The following DEPDC1B variants were observed in gnomAD, a reference collection of about 807,000 sequenced individuals.
DEPDC1B encodes DEP domain-containing protein 1B.
DEPDC1B carries 51 observed loss-of-function variants against 66.5 expected under a neutral mutation model. That is an observed-to-expected ratio of 0.77 (90% CI 0.61 to 0.97). DEPDC1B has a LOEUF of 0.97. DEPDC1B is among the 50% of genes least tolerant of loss of function. The pLI is 0.00. For missense variants in DEPDC1B, 552 were observed against 637.1 expected (o/e 0.87, Z 1.44); for synonymous variants, 226 against 223.6 (o/e 1.01, Z -0.10).
At chr5:60,663,541 T>C (rs1413259013) in intron 2 of DEPDC1B, among the ~76,000 whole-genome samples, 1 of 152,220 alleles carries the variant, frequency 6.6e-6, no homozygotes, top group East Asian at 1.9e-4. Flanking sequence ...TACCTTTTTC[T>C]GCATCCCCGT....
At chr5:60,675,903 C>CTTTTTTTTTTTTTT (rs35113345) in intron 2 of DEPDC1B, among the ~76,000 whole-genome samples, 2 of 138,966 alleles carry the variant, frequency 1.4e-5, no homozygotes, top group African/African-American at 5.2e-5. Flanking sequence ...TTTCTTTTTT[C>CTTTTTTTTTTTTTT]TTTTTTTTTT....
intron 2 of DEPDC1B, among the ~76,000 whole-genome samples, chr5:60,671,349 G>A (rs1242701662): frequency 6.6e-6 from 1 of 152,194 alleles, no homozygotes; most frequent in Non-Finnish European, 1.5e-5. Context: ...GACTGTGCTG[G>A]CCACAGGGGT....
intron 2 of DEPDC1B, among the ~76,000 whole-genome samples, chr5:60,656,611 C>G (rs571345321): frequency 5.9e-4 from 90 of 152,300 alleles, no homozygotes; most frequent in African/African-American, 1.8e-3. Flanking sequence ...AATCATAGTT[C>G]TGCATTGCTG....
chr5:60,627,514 T>G (rs1752831210), intron 7 of DEPDC1B, among the ~76,000 whole-genome samples: 1 of 152,096 alleles, frequency 6.6e-6, no homozygotes, highest in African/African-American at 2.4e-5. Flanking sequence ...AAACATAAGC[T>G]AGAATAACTT....
chr5:60,620,119 C>A (rs1288293989), intron 7 of DEPDC1B, among the ~76,000 whole-genome samples: 1 of 152,154 alleles, frequency 6.6e-6, no homozygotes, highest in Non-Finnish European at 1.5e-5. Context: ...CCCTTCCTTA[C>A]ACCTTATACA....
In DEPDC1B at chr5:60,615,598, G is replaced by A. The variant is rs866828490; in HGVS notation, c.899-9742C>T. Reference sequence around the variant, plus strand: ...CTGCAAGGTGGCAGCCAGGCTGGGGGAGGGGCGCCCACCATTGCCCAGGCT... The same window carrying A: ...CTGCAAGGTGGCAGCCAGGCTGGGGAAGGGGCGCCCACCATTGCCCAGGCT... On this transcript the variant is annotated intron_variant, in intron 7 of 10. Transcript: ENST00000265036. Among the ~76,000 whole-genome samples the A allele has an allele frequency of 7.3e-4, 111 of 152,340 alleles. 1 individual carries two copies. The highest frequency in any genetic ancestry group is 3.4e-3 in the Middle Eastern group (1 of 294).
At chr5:60,602,749 T>C (rs982273636) in intron 9 of DEPDC1B, among the ~76,000 whole-genome samples, 3 of 152,100 alleles carry the variant, frequency 2.0e-5, no homozygotes, top group African/African-American at 7.2e-5. Context: ...CTTCACAACT[T>C]TATAAAGAAA....
At chr5:60,665,406 T>A (rs990401454) in intron 2 of DEPDC1B, among the ~76,000 whole-genome samples, 1 of 152,176 alleles carries the variant, frequency 6.6e-6, no homozygotes, top group East Asian at 1.9e-4. Context: ...TACATTTCAA[T>A]CTCTGTATCT....
At chr5:60,654,112 T>A (rs879730587) in intron 2 of DEPDC1B, among the ~76,000 whole-genome samples, 1 of 149,156 alleles carries the variant, frequency 6.7e-6, no homozygotes, top group Non-Finnish European at 1.5e-5. Flanking sequence ...ACACATAAAT[T>A]TTAGGATTGT....
intron 2 of DEPDC1B, among the ~76,000 whole-genome samples, chr5:60,660,061 A>C (rs1188534027): frequency 1.3e-5 from 2 of 152,256 alleles, no homozygotes; most frequent in East Asian, 3.9e-4. Flanking sequence ...AATTACAGGG[A>C]GGCGCGTATT....
chr5:60,646,419 A>T (rs1329209741), intron 3 of DEPDC1B, among the ~76,000 whole-genome samples: 1 of 152,208 alleles, frequency 6.6e-6, no homozygotes, highest in Non-Finnish European at 1.5e-5. Context: ...GTAGTAAGTT[A>T]TAGAATGTAC....
At chr5:60,651,848 A>G (rs936474793) in intron 2 of DEPDC1B, among the ~76,000 whole-genome samples, 19 of 152,208 alleles carry the variant, frequency 1.2e-4, no homozygotes, top group African/African-American at 4.6e-4. Flanking sequence ...GATCTGGTGA[A>G]CAAATTTCCC....
At position 60,644,787 on chromosome 5, in the gene DEPDC1B, T is replaced by C. The variant is rs780816165; in HGVS notation, c.667A>G (p.Ser223Gly). ...ATAACAACTCCCTGCTTGCTAACAC[T>C]ATATACATTATGGATGATGAACTTC... ...NSKFIIHNVY[S>G]VSKQGVVILD... is the part of the protein sequence containing the mutation. The change falls in exon 5 of 11, where the codon AGT becomes GGT. Residue 223 changes from serine to glycine, a missense_variant. Physicochemically the swap from Ser to Gly is moderately conservative, Grantham distance 56 (BLOSUM62 0). Coordinates refer to ENST00000265036, the MANE Select transcript of DEPDC1B (RefSeq NM_018369.3). 6.2e-7 allele frequency: 1 copy of C among 1,610,448 alleles called. No homozygotes were observed. Among genetic ancestry groups the C allele is most frequent in the Admixed American group, 1.7e-5 (1 of 59,658 alleles).
intron 7 of DEPDC1B, among the ~76,000 whole-genome samples, chr5:60,620,742 A>G (rs1166247677): frequency 6.6e-6 from 1 of 152,212 alleles, no homozygotes; most frequent in Non-Finnish European, 1.5e-5. Flanking sequence ...CGATTCCTCA[A>G]GGATCTAGAA....
chr5:60,699,205 G>A (rs1031669445), intron 1 of DEPDC1B, among the ~76,000 whole-genome samples: 1 of 152,078 alleles, frequency 6.6e-6, no homozygotes, highest in African/African-American at 2.4e-5. Flanking sequence ...TTGGATGTTA[G>A]TTCCCATCTT....
chr5:60,622,321 C>CCAGAAT (rs753713894), intron 7 of DEPDC1B, among the ~76,000 whole-genome samples: 100 of 152,246 alleles, frequency 6.6e-4, no homozygotes, highest in Admixed American at 1.3e-3. Context: ...GTAAATGGAA[C>CCAGAAT]CAGAATGGCT....
At chr5:60,629,700 T>A (rs150395003) in intron 7 of DEPDC1B, among the ~76,000 whole-genome samples, 113 of 152,348 alleles carry the variant, frequency 7.4e-4, no homozygotes, top group Non-Finnish European at 1.3e-3. Context: ...AATTTCCATC[T>A]GGTTATTTGT....
intron 1 of DEPDC1B, among the ~76,000 whole-genome samples, chr5:60,692,294 T>C (rs906788785): frequency 6.6e-6 from 1 of 152,178 alleles, no homozygotes; most frequent in African/African-American, 2.4e-5. Flanking sequence ...TTAATAATAA[T>C]GTACTTTCAA....
intron 6 of DEPDC1B, among the ~76,000 whole-genome samples, chr5:60,640,532 GA>G (rs1753164566): frequency 6.6e-6 from 1 of 152,038 alleles, no homozygotes; most frequent in African/African-American, 2.4e-5. Flanking sequence ...ACAGATTCTG[GA>G]AAAGAAATGC....
Sources: gnomAD v4.1 joint callset for allele counts (sites outside exome capture counted in the v4.1 genomes callset) on GRCh38, gnomAD v4.1.1 for gene constraint, MANE v1.5 for transcripts, NCBI Gene and HGNC (gene_info 2026-07-23, HGNC 2026-07-21) for gene names.